The following TRA2B variants were observed in gnomAD, a reference collection of about 807,000 sequenced individuals.
The protein encoded by TRA2B is transformer 2 beta homolog.
Under a neutral mutation model 41.7 loss-of-function variants are expected in TRA2B, and 14 were observed. The ratio of observed to expected loss-of-function variants is 0.34; its 90% CI spans 0.22 to 0.53. The LOEUF (loss-of-function observed/expected upper bound fraction) is 0.53, where lower values mean the gene tolerates loss of function less well. Ranked by LOEUF, TRA2B falls within the 20% of genes least tolerant of loss-of-function variation. The pLI, the probability that TRA2B is intolerant of heterozygous loss-of-function variation, is 0.95. For synonymous variants in TRA2B, 130 were observed against 128.8 expected (o/e 1.01, Z -0.06); for missense variants, 167 against 396.8 (o/e 0.42, Z 4.92).
intron 6 of TRA2B, among the ~76,000 whole-genome samples, chr3:185,920,496 A>G (rs1181889294): frequency 1.3e-5 from 2 of 152,016 alleles, no homozygotes; most frequent in Non-Finnish European, 2.9e-5. Context: ...GCTGGTCTCA[A>G]ATTCCCGGGC....
rs536511449 is a variant in TRA2B at position 185,920,959 on chromosome 3, T to C, written c.722+145A>G. 36 of 533,880 alleles carry C rather than the reference T, an allele frequency of 6.7e-5. No individual in the cohort carries two copies. The East Asian group carries it at 9.6e-4, about 14-fold the overall frequency. 33.1% of individuals were successfully genotyped at this position (533,880 alleles called of 1,614,324 possible). On this transcript the variant is annotated intron_variant, in intron 6 of 8. Coordinates refer to ENST00000453386, the MANE Select transcript of TRA2B (RefSeq NM_004593.3). Reference sequence around the variant, plus strand: ...TTAAATTGATTAAGACACAGAACCTTAGAATCTGATTTAACTTTCTACTCT... The same window carrying C: ...TTAAATTGATTAAGACACAGAACCTCAGAATCTGATTTAACTTTCTACTCT...
chr3:185,921,173 C>T lies in TRA2B; in HGVS notation c.653G>A (p.Arg218His), dbSNP rs1474438000. ...MGRPTYGSSR[R>H]RDYYDRGYDR... ...ATATCCTCTGTCATAGTAATCCCGACGGCGAGAGCTGCCACTATGAAGAAA... is the reference window on the plus strand; with the variant it reads ...ATATCCTCTGTCATAGTAATCCCGATGGCGAGAGCTGCCACTATGAAGAAA... The change falls in exon 6 of 9, where the codon CGT becomes CAT. Residue 218 changes from arginine (R) to histidine (H), a missense_variant. Coordinates refer to ENST00000453386, the MANE Select transcript of TRA2B (RefSeq NM_004593.3). The T allele has an allele frequency of 3.7e-6, 6 of 1,613,902 alleles. No individual in the cohort carries two copies. Among genetic ancestry groups the T allele is most frequent in the African/African-American group, 1.3e-5 (1 of 74,872 alleles).
At chr3:185,932,009 A>G (rs1170044798) in intron 1 of TRA2B, among the ~76,000 whole-genome samples, 2 of 151,970 alleles carry the variant, frequency 1.3e-5, no homozygotes, top group Non-Finnish European at 2.9e-5. Context: ...TGAAAACTAC[A>G]TAGTTTTCTG....
intron 4 of TRA2B, chr3:185,922,394 A>C (rs1743775941): frequency 3.7e-6 from 1 of 270,786 alleles, no homozygotes. Context: ...CACAATTGGC[A>C]AACTATAGCC....
chr3:185,923,725 G>C (rs1342342196), intron 4 of TRA2B, 71 bp downstream of exon 4: 22 of 1,401,318 alleles, frequency 1.6e-5, no homozygotes, highest in Non-Finnish European at 1.9e-5. Context: ...CCTTATCCTA[G>C]CAATTGGTCA....
intron 5 of TRA2B, 127 bp downstream of exon 5, chr3:185,921,884 G>A (rs943446040): frequency 2.1e-5 from 12 of 582,552 alleles, no homozygotes; most frequent in Non-Finnish European, 3.6e-5. Context: ...CCCTAATGAG[G>A]AGCATTTAAT....
chr3:185,918,501 T>C (rs1743590730), intron 7 of TRA2B, 63 bp from the exon 8 acceptor site: 1 of 1,195,872 alleles, frequency 8.4e-7, no homozygotes, highest in Admixed American at 1.8e-5. Flanking sequence ...AACATATAAA[T>C]TTATGACTAT....
At chr3:185,935,790 G>C in intron 1 of TRA2B, 1 of 985,334 alleles carries the variant, frequency 1.0e-6, no homozygotes. Context: ...AACCCTTAAA[G>C]GTTCCAATTG....
chr3:185,925,995 T>C (rs1317675979), intron 2 of TRA2B, among the ~76,000 whole-genome samples: 1 of 152,000 alleles, frequency 6.6e-6, no homozygotes. Flanking sequence ...AGTAACAAAA[T>C]CACAAGGAGT....
rs368241184 is a variant in TRA2B, at chr3:185,921,203, T to C, written c.639-16A>G. ...AGAGCTGCCACTATGAAGAAAAAAA[T>C]ATTCAGGTGACCTCCCTTATCTTTC... On this transcript the variant is annotated splice_polypyrimidine_tract_variant and intron_variant, in intron 5 of 8. Transcript: ENST00000453386. 12 of 1,611,156 alleles carry C rather than the reference T, an allele frequency of 7.4e-6. No homozygotes were observed. Among genetic ancestry groups the C allele is most frequent in the Non-Finnish European group, 1.0e-5 (12 of 1,177,646 alleles).
rs1743507002 is a variant in TRA2B, at chr3:185,916,541, A to G, written c.*1174T>C. The G allele has an allele frequency of 6.6e-6, 1 of 152,252 alleles. No individual in the cohort carries two copies. The highest frequency in any genetic ancestry group is 1.5e-5 in the Non-Finnish European group (1 of 68,028). 9.4% of individuals were successfully genotyped at this position (152,252 alleles called of 1,614,324 possible). On this transcript the variant is annotated 3_prime_UTR_variant, in exon 9 of 9. Coordinates refer to ENST00000453386, the MANE Select transcript of TRA2B (RefSeq NM_004593.3). ...CAGTCTAGTTATTTACTGTAACTCC[A>G]TCCCCAAATGGAGATCACTCTAATA...
At chr3:185,921,330 T>C in intron 5 of TRA2B, 143 bp from the exon 6 acceptor site, 2 of 700,668 alleles carry the variant, frequency 2.9e-6, no homozygotes, top group Non-Finnish European at 4.9e-6. Context: ...GAGCAAACAT[T>C]GCCCTTTCCC....
At chr3:185,920,598 A>G (rs1743688683) in intron 6 of TRA2B, among the ~76,000 whole-genome samples, 1 of 151,816 alleles carries the variant, frequency 6.6e-6, no homozygotes, top group South Asian at 2.1e-4. Context: ...TCTGTTGCCT[A>G]CAGTGGAGTG....
chr3:185,923,481 G>T, intron 4 of TRA2B: 1 of 194,622 alleles, frequency 5.1e-6, no homozygotes, highest in Non-Finnish European at 1.0e-5. Context: ...TTTTCCTTCT[G>T]CATCATAACT....
rs1743514391 is a variant in TRA2B, at chr3:185,916,732, G to C, written c.*983C>G. The C allele has an allele frequency of 6.6e-6, 1 of 152,584 alleles. No individual in the cohort carries two copies. The highest frequency in any genetic ancestry group is 2.4e-5 in the African/African-American group (1 of 41,438). The allele number at this position is 152,584 out of a possible 1,614,324, so 9.5% of individuals were successfully genotyped here. A position where few individuals can be genotyped will look rare whatever the true frequency, so the allele number is the denominator to read the frequency against. ...GAACAAGAACACTTCTTTGTGAACA[G>C]CTGCACCAACATTTTTCTTTTCATT... On this transcript the variant is annotated 3_prime_UTR_variant, in exon 9 of 9. Coordinates refer to ENST00000453386, the MANE Select transcript of TRA2B (RefSeq NM_004593.3).
rs1744441126 is a variant in TRA2B, at chr3:185,937,995, A to G, written c.-135T>C. The G allele has an allele frequency of 9.9e-7, 1 of 1,007,258 alleles. No homozygotes were observed. Among genetic ancestry groups the G allele is most frequent in the South Asian group, 1.4e-5 (1 of 71,518 alleles). The allele number at this position is 1,007,258 out of a possible 1,614,324, so 62.4% of individuals were successfully genotyped here. A position where few individuals can be genotyped will look rare whatever the true frequency, so the allele number is the denominator to read the frequency against. Reference sequence around the variant, plus strand: ...GCCGCTCAGAGCCGAAATGCTCCGCACCGCCTCCGCACGGGCTCTAACTCT... The same window carrying G: ...GCCGCTCAGAGCCGAAATGCTCCGCGCCGCCTCCGCACGGGCTCTAACTCT... On this transcript the variant is annotated 5_prime_UTR_variant, in exon 1 of 9. Transcript: ENST00000453386.
chr3:185,923,185 A>C (rs992670441), intron 4 of TRA2B: 8 of 152,850 alleles, frequency 5.2e-5, no homozygotes, highest in African/African-American at 1.9e-4. Context: ...CTGAGGCAGG[A>C]GAATTGCTTG....
At chr3:185,936,491 G>C (rs1001594927) in intron 1 of TRA2B, 1 of 985,180 alleles carries the variant, frequency 1.0e-6, no homozygotes, top group African/African-American at 1.7e-5. Context: ...AAGCAGTTTG[G>C]GCTCCAAAAT....
Position 185,915,721 on chromosome 3 carries a change from G to A in TRA2B, c.*1994C>T, listed in dbSNP as rs149617987. On this transcript the variant is annotated 3_prime_UTR_variant, in exon 9 of 9. Transcript: ENST00000453386. The stretch of plus-strand genomic sequence containing the variant: ...CTTTCAATCAGCAGGATAAAGGATG[G>A]CTACACAACTAAAGGGCTAAAACTC... Among the ~76,000 whole-genome samples the A allele has an allele frequency of 3.5e-3, 528 of 152,272 alleles. 1 individual carries two copies. The highest frequency in any genetic ancestry group is 0.012 in the African/African-American group (481 of 41,554).
Sources: gnomAD v4.1 joint callset for allele counts (sites outside exome capture counted in the v4.1 genomes callset) on GRCh38, gnomAD v4.1.1 for gene constraint, MANE v1.5 for transcripts, NCBI Gene and HGNC (gene_info 2026-07-23, HGNC 2026-07-21) for gene names.